Variants in CLK3 observed in about 807,000 individuals in gnomAD.
CLK3 encodes the protein CDC like kinase 3.
CLK3 carries 24 observed loss-of-function variants against 65.2 expected under a neutral mutation model. The observed-to-expected ratio is 0.37, with a 90% confidence interval of 0.27 to 0.52. The LOEUF (loss-of-function observed/expected upper bound fraction) is 0.52. Among genes scored for constraint, CLK3 ranks in the 20% least tolerant of loss-of-function variants. The pLI is 0.92. For missense variants in CLK3, 506 were observed against 660.0 expected (o/e 0.77, Z 2.56); for synonymous variants, 252 against 240.8 (o/e 1.05, Z -0.43).
Position 74,624,980 on chromosome 15 carries a change from G to A in CLK3, c.612G>A (p.Val204=), listed in dbSNP as rs2062132353. ...AGGCTGCCCGGCTAGAAATCAACGT[G>A]CTCAAAAAAATCAAGGAGAAGGACA... ...YREAARLEIN[V]LKKIKEKDKE... Residue 204 remains valine (V), a synonymous_variant, in exon 6 of 13, where the codon GTG becomes GTA. Coordinates refer to ENST00000395066, the MANE Select transcript of CLK3 (RefSeq NM_001130028.2). The surrounding 1 kb of genome is among the most constrained non-coding windows in gnomAD (Gnocchi z 4.2). 1 of 1,613,790 alleles carries A rather than the reference G, an allele frequency of 6.2e-7. No homozygotes were observed. The highest frequency in any genetic ancestry group is 8.5e-7 in the Non-Finnish European group (1 of 1,179,864).
intron 10 of CLK3, 47 bp downstream of exon 10, chr15:74,628,099 G>A: frequency 7.4e-7 from 1 of 1,352,426 alleles, no homozygotes; most frequent in Non-Finnish European, 1.1e-6. Context: ...CTGCTACTGT[G>A]ATAGGCTGCA....
upstream of CLK3, chr15:74,615,446 C>G (rs77038084): frequency 0.026 from 33,771 of 1,285,148 alleles, 687 homozygotes; most frequent in African/African-American, 0.094. Context: ...CTCCGGGGCC[C>G]CGAGAACAAT....
At chr15:74,618,751 G>C (rs183455418) in intron 1 of CLK3, among the ~76,000 whole-genome samples, 1 of 152,348 alleles carries the variant, frequency 6.6e-6, no homozygotes, top group East Asian at 1.9e-4. Flanking sequence ...CTCGCCTCCT[G>C]TGTACAGCCC....
chr15:74,615,627 C>T (rs2141533850), upstream of CLK3: 1 of 1,251,528 alleles, frequency 8.0e-7, no homozygotes, highest in Non-Finnish European at 1.0e-6. Flanking sequence ...CGCGACACGG[C>T]GGGAGGCGGG....
At chr15:74,613,721 G>A (rs1214119025), upstream of CLK3, among the ~76,000 whole-genome samples, 1 of 152,142 alleles carries the variant, frequency 6.6e-6, no homozygotes, top group African/African-American at 2.4e-5. Context: ...CCCGGGGACA[G>A]AAGCTTCTCT....
At position 74,629,867 on chromosome 15, in the gene CLK3, G is replaced by C. The variant is rs776802676; in HGVS notation, c.1457G>C (p.Arg486Pro). 6.2e-7 allele frequency: 1 copy of C among 1,608,706 alleles called. No homozygotes were observed. ...TPEERSFHTS[R>P]NPSR is the part of the protein sequence containing the mutation. ...GAGGAGCGGTCCTTCCACACCAGCC[G>C]CAACCCAAGCAGATGACAGGCACAG... The change falls in exon 13 of 13, where the codon CGC (arginine) becomes CCC (proline). Residue 486 changes from arginine (R) to proline (P), a missense_variant. Coordinates refer to ENST00000395066, the MANE Select transcript of CLK3 (RefSeq NM_001130028.2).
In CLK3 at chr15:74,630,143, C is replaced by A. The variant is rs1410055886; in HGVS notation, c.*260C>A. ...ACCCCTGGTACCAGTGTGTCCATCT[C>A]CAGGCTCCTTGCCTTCCCCTTACCT... On this transcript the variant is annotated 3_prime_UTR_variant, in exon 13 of 13. Coordinates refer to ENST00000395066, the MANE Select transcript of CLK3 (RefSeq NM_001130028.2). The A allele has an allele frequency of 2.4e-6, 1 of 422,390 alleles. No individual in the cohort carries two copies. The highest frequency in any genetic ancestry group is 3.7e-5 in the East Asian group (1 of 27,096). The allele number at this position is 422,390 out of a possible 1,614,324, so 26.2% of individuals were successfully genotyped here. A position where few individuals can be genotyped will look rare whatever the true frequency, so the allele number is the denominator to read the frequency against.
chr15:74,622,462 G>A lies in CLK3; in HGVS notation c.467-32G>A. ...GGAGCTGCCAACCCCCTGCCCTCCAGATTCTCATGCCCAATTTCTTTTCTC... is the reference window on the plus strand; with the variant it reads ...GGAGCTGCCAACCCCCTGCCCTCCAAATTCTCATGCCCAATTTCTTTTCTC... On this transcript the variant is annotated intron_variant, in intron 4 of 12. Transcript: ENST00000395066. This position sits in a 1 kb window ranked among gnomAD's most constrained non-coding sequence, Gnocchi z 4.6. The A allele has an allele frequency of 6.4e-7, 1 of 1,567,684 alleles. No homozygotes were observed. The highest frequency in any genetic ancestry group is 8.7e-7 in the Non-Finnish European group (1 of 1,153,498).
chr15:74,621,805 CAG>C lies in CLK3; in HGVS notation c.370-312_370-311del, dbSNP rs1180501393. The C allele has an allele frequency of 2.6e-6, 1 of 383,844 alleles. No homozygotes were observed. The highest frequency in any genetic ancestry group is 6.7e-5 in the East Asian group (1 of 14,914). The allele number at this position is 383,844 out of a possible 1,614,324, so 23.8% of individuals were successfully genotyped here. ...CTCCTCACAGCGTGGCCCTCAGCAGCAGAGGCAGGTCATCTTCCTGAGCGTTT... is the reference window on the plus strand; with the variant it reads ...CTCCTCACAGCGTGGCCCTCAGCAGCAGGCAGGTCATCTTCCTGAGCGTTT... On this transcript the variant is annotated intron_variant, in intron 3 of 12. Transcript: ENST00000395066. The surrounding 1 kb of genome is among the most constrained non-coding windows in gnomAD (Gnocchi z 4.8).
intron 6 of CLK3, among the ~76,000 whole-genome samples, chr15:74,625,326 G>A (rs1229343492): frequency 6.6e-6 from 1 of 152,224 alleles, no homozygotes; most frequent in Non-Finnish European, 1.5e-5. Context: ...ATACCCAAAG[G>A]AGGGCCTTTC....
chr15:74,611,667 TTCCTA>T, upstream of CLK3, among the ~76,000 whole-genome samples: 1 of 152,264 alleles, frequency 6.6e-6, no homozygotes, highest in Middle Eastern at 3.4e-3. Flanking sequence ...ATGCCCAACT[TTCCTA>T]TGCTCACCTG....
chr15:74,626,862 G>A (rs149685785), intron 7 of CLK3: 38 of 395,972 alleles, frequency 9.6e-5, no homozygotes, highest in African/African-American at 7.6e-4. Context: ...AGGCGGGGCT[G>A]TCTTCCTGGG....
Position 74,624,541 on chromosome 15 carries a change from A to T in CLK3, c.534-361A>T. The T allele has an allele frequency of 5.2e-6, 1 of 190,818 alleles. No individual in the cohort carries two copies. The highest frequency in any genetic ancestry group is 1.0e-5 in the Non-Finnish European group (1 of 95,802). 11.8% of individuals were successfully genotyped at this position (190,818 alleles called of 1,614,324 possible). On this transcript the variant is annotated intron_variant, in intron 5 of 12. Coordinates refer to ENST00000395066, the MANE Select transcript of CLK3 (RefSeq NM_001130028.2). This position sits in a 1 kb window ranked among gnomAD's most constrained non-coding sequence, Gnocchi z 4.2. Reference sequence around the variant, plus strand: ...GGGTTCTCGGTGGGACAGCCTGGCCAGGGTTGGGGCTGCCTGGCCTATAGG... The same window carrying T: ...GGGTTCTCGGTGGGACAGCCTGGCCTGGGTTGGGGCTGCCTGGCCTATAGG...
intron 5 of CLK3, among the ~76,000 whole-genome samples, chr15:74,623,212 C>T (rs554434301): frequency 2.8e-4 from 42 of 152,238 alleles, no homozygotes; most frequent in Non-Finnish European, 5.6e-4. Context: ...ACATTTGCTT[C>T]CTCTCCTATA....
At chr15:74,615,553 C>G, upstream of CLK3, 2 of 1,275,278 alleles carry the variant, frequency 1.6e-6, no homozygotes, top group Non-Finnish European at 2.0e-6. Context: ...GGCCCCACCT[C>G]TCGGCTCTGA....
At chr15:74,620,545 A>G (rs1254878903) in intron 3 of CLK3, 4 of 455,266 alleles carry the variant, frequency 8.8e-6, no homozygotes, top group East Asian at 7.9e-5. Flanking sequence ...TTCTTAGGAC[A>G]CTTCTTAGGG....
At chr15:74,619,956 C>T in intron 2 of CLK3, 53 bp from the exon 3 acceptor site, 1 of 1,610,774 alleles carries the variant, frequency 6.2e-7, no homozygotes, top group South Asian at 1.1e-5. Context: ...AGGTCTCTTG[C>T]TTGCTAACAG....
At chr15:74,615,073 C>G (rs1279776565), upstream of CLK3, 1 of 223,038 alleles carries the variant, frequency 4.5e-6, no homozygotes, top group Non-Finnish European at 8.7e-6. Flanking sequence ...ATTTTGGTGA[C>G]CCCACGCTCG....
In CLK3 at chr15:74,622,458, T is replaced by G; in HGVS notation, c.467-36T>G. 6.5e-7 allele frequency: 1 copy of G among 1,549,108 alleles called. No individual in the cohort carries two copies. ...TGCAGGAGCTGCCAACCCCCTGCCC[T>G]CCAGATTCTCATGCCCAATTTCTTT... On this transcript the variant is annotated intron_variant, in intron 4 of 12. Transcript: ENST00000395066. This position sits in a 1 kb window ranked among gnomAD's most constrained non-coding sequence, Gnocchi z 4.6.
Sources: allele counts gnomAD v4.1 joint callset (sites outside exome capture counted in the v4.1 genomes callset), GRCh38; gene constraint gnomAD v4.1.1; non-coding constraint Gnocchi (gnomAD v3.1); transcripts MANE v1.5; gene names NCBI Gene and HGNC (gene_info 2026-07-23, HGNC 2026-07-21).